Variants in SEC22B observed in about 807,000 individuals in gnomAD.
The protein encoded by SEC22B is SEC22 homolog B, vesicle trafficking protein.
SEC22B carries 10 observed loss-of-function variants against 31.4 expected under a neutral mutation model. The observed-to-expected ratio is 0.32, with a 90% CI of 0.20 to 0.54. The LOEUF is 0.54. Among genes scored for constraint, SEC22B ranks in the 20% least tolerant of loss-of-function variants. The pLI is 0.94. For missense variants in SEC22B, 130 were observed against 263.4 expected (o/e 0.49, Z 3.50); for synonymous variants, 60 against 95.9 (o/e 0.63, Z 2.19).
Position 120,151,013 on chromosome 1 carries a change from T to A in SEC22B, c.*6025A>T, listed in dbSNP as rs1427959922. 7.2e-5 allele frequency: 11 copies of A among 152,344 alleles called. No homozygotes were observed. Among genetic ancestry groups the A allele is most frequent in the Admixed American group, 7.2e-4 (11 of 15,296 alleles). 9.4% of individuals were successfully genotyped at this position (152,344 alleles called of 1,614,324 possible). ...CTCAGTGTCAAGAGAAAGATGTTAA[T>A]CCATCTTAGCAACCTAATTACCTCT... On this transcript the variant is annotated 3_prime_UTR_variant, in exon 5 of 5. Coordinates refer to ENST00000578049, the MANE Select transcript of SEC22B (RefSeq NM_004892.6).
chr1:120,165,280 T>C (rs1229147582), intron 2 of SEC22B, among the ~76,000 whole-genome samples: 15 of 152,220 alleles, frequency 9.9e-5, no homozygotes, highest in African/African-American at 3.6e-4. Flanking sequence ...TAATGTTTAC[T>C]GGGTACAAGA....
Position 120,176,449 on chromosome 1 carries a change from G to A in SEC22B, c.-68C>T. On this transcript the variant is annotated 5_prime_UTR_variant, in exon 1 of 5. Transcript: ENST00000578049. ...TGGCGCCGTCCTCACTTCCTCCGCC[G>A]CGACAACAGTTATACCCTATGTCTC... The A allele has an allele frequency of 7.2e-7, 1 of 1,390,696 alleles. No individual in the cohort carries two copies. The highest frequency in any genetic ancestry group is 1.0e-6 in the Non-Finnish European group (1 of 986,972). 86.1% of individuals were successfully genotyped at this position (1,390,696 alleles called of 1,614,324 possible).
At position 120,153,190 on chromosome 1, in the gene SEC22B, C is replaced by T. The variant is rs1254932796; in HGVS notation, c.*3848G>A. On this transcript the variant is annotated 3_prime_UTR_variant, in exon 5 of 5. Coordinates refer to ENST00000578049, the MANE Select transcript of SEC22B (RefSeq NM_004892.6). ...TTCAATATGCTCATTCTATCTCAAA[C>T]TCTGTCACACATACAATGACTGCTA... 1.3e-5 allele frequency: 2 copies of T among 151,100 alleles called. No homozygotes were observed. Among genetic ancestry groups the T allele is most frequent in the Non-Finnish European group, 2.9e-5 (2 of 67,954 alleles). The allele number at this position is 151,100 out of a possible 1,614,324, so 9.4% of individuals were successfully genotyped here.
At chr1:120,160,618 G>A (rs1300532398) in intron 3 of SEC22B, 88 bp from the exon 4 acceptor site, 25 of 1,183,394 alleles carry the variant, frequency 2.1e-5, no homozygotes, top group Middle Eastern at 2.1e-4. Context: ...GGCCAGGCGC[G>A]GTGGCTCACA....
chr1:120,159,951 C>T (rs1181202704), intron 4 of SEC22B, among the ~76,000 whole-genome samples: 1 of 131,136 alleles, frequency 7.6e-6, no homozygotes, highest in African/African-American at 3.7e-5. Context: ...TGGATCTTAT[C>T]TTGTAGTCCC....
At chr1:120,175,675 A>G (rs1439382837) in intron 1 of SEC22B, among the ~76,000 whole-genome samples, 2 of 152,214 alleles carry the variant, frequency 1.3e-5, no homozygotes, top group Non-Finnish European at 2.9e-5. Context: ...AGGTATGGAT[A>G]ACAAAGAGAT....
chr1:120,164,601 C>T (rs1657776379), intron 2 of SEC22B, among the ~76,000 whole-genome samples: 1 of 152,224 alleles, frequency 6.6e-6, no homozygotes, highest in African/African-American at 2.4e-5. Context: ...GACATGATTT[C>T]ATTTCTTTTT....
chr1:120,151,241 T>C lies in SEC22B; in HGVS notation c.*5797A>G, dbSNP rs1657529430. 1.3e-5 allele frequency: 2 copies of C among 152,096 alleles called. No individual in the cohort carries two copies. The highest frequency in any genetic ancestry group is 2.9e-5 in the Non-Finnish European group (2 of 68,016). 9.4% of individuals were successfully genotyped at this position (152,096 alleles called of 1,614,324 possible). ...TGTTTGACTGGTTAGAGACGCTAGA[T>C]TATTTTGTGTGGCTAAGACAAAACA... On this transcript the variant is annotated 3_prime_UTR_variant, in exon 5 of 5. Transcript: ENST00000578049.
Position 120,153,101 on chromosome 1 carries a change from G to A in SEC22B, c.*3937C>T, listed in dbSNP as rs1258556074. 1.3e-5 allele frequency: 2 copies of A among 151,778 alleles called. No individual in the cohort carries two copies. Among genetic ancestry groups the A allele is most frequent in the Admixed American group, 6.6e-5 (1 of 15,260 alleles). The allele number at this position is 151,778 out of a possible 1,614,324, so 9.4% of individuals were successfully genotyped here. ...TTTATGAGAACTGAGTGACTACATT[G>A]CTTCAGATAGTTTTATACTGCTAGG... is the stretch of plus-strand genomic sequence containing the variant. On this transcript the variant is annotated 3_prime_UTR_variant, in exon 5 of 5. Coordinates refer to ENST00000578049, the MANE Select transcript of SEC22B (RefSeq NM_004892.6).
chr1:120,170,970 T>A lies in SEC22B; in HGVS notation c.76-2021A>T, dbSNP rs1430763851. Among the ~76,000 whole-genome samples the A allele has an allele frequency of 1.2e-4, 14 of 114,102 alleles. 2 individuals are homozygous for A. Among genetic ancestry groups the A allele is most frequent in the Admixed American group, 6.0e-4 (8 of 13,372 alleles). 74.9% of individuals were successfully genotyped at this position (114,102 alleles called of 152,430 possible). ...TTTAATAAAATTAATTTATTAAATTTAATTTAATTTAAAATTCTTTAATAA... is the reference window on the plus strand; with the variant it reads ...TTTAATAAAATTAATTTATTAAATTAAATTTAATTTAAAATTCTTTAATAA... On this transcript the variant is annotated intron_variant, in intron 1 of 4. Coordinates refer to ENST00000578049, the MANE Select transcript of SEC22B (RefSeq NM_004892.6).
rs1447430314 is a variant in SEC22B, at chr1:120,156,838, G to A, written c.*200C>T. ...GCACCCAGAGAAAGCCTCTGCCCCC[G>A]AAAGAGACTTTCTACATAGGGTTAA... On this transcript the variant is annotated 3_prime_UTR_variant, in exon 5 of 5. Transcript: ENST00000578049. 7.1e-5 allele frequency: 27 copies of A among 382,718 alleles called. 1 individual carries two copies. The South Asian group carries it at 9.6e-4, about 14-fold the overall frequency. The allele number at this position is 382,718 out of a possible 1,614,324, so 23.7% of individuals were successfully genotyped here.
chr1:120,160,641 G>A (rs1657700165), intron 3 of SEC22B, 111 bp from the exon 4 acceptor site: 2 of 800,250 alleles, frequency 2.5e-6, no homozygotes, highest in Non-Finnish European at 3.7e-6. Flanking sequence ...TGTAATCCCA[G>A]CACTTTGGGA....
Position 120,163,360 on chromosome 1 carries a change from C to T in SEC22B, c.196G>A (p.Glu66Lys). The T allele has an allele frequency of 6.3e-7, 1 of 1,592,896 alleles. No individual in the cohort carries two copies. The highest frequency in any genetic ancestry group is 8.5e-7 in the Non-Finnish European group (1 of 1,170,736). Residue 66 changes from glutamate (E) to lysine (K), a missense_variant, in exon 3 of 5, where the codon GAG becomes AAG. Physicochemically the swap from Glu to Lys is moderately conservative, Grantham distance 56. This residue lies in a region of SEC22B where 41 missense variants were observed against 124.9 expected (regional missense o/e 0.33). Coordinates refer to ENST00000578049, the MANE Select transcript of SEC22B (RefSeq NM_004892.6). ...AAAACCAAATAACACACCCCCTGCT[C>T]AATAATGTAGCTGGTGAGACATAAA... ...AGAMTFHYII[E>K]QGVCYLVLCE...
chr1:120,175,707 C>T (rs1427850819), intron 1 of SEC22B, among the ~76,000 whole-genome samples: 10 of 151,946 alleles, frequency 6.6e-5, no homozygotes, highest in African/African-American at 2.2e-4. Flanking sequence ...GTCGTTTGCC[C>T]GCTAGGAAAC....
chr1:120,163,392 G>C (rs1249686403), intron 2 of SEC22B, 22 bp from the exon 3 acceptor site: 4 of 1,487,138 alleles, frequency 2.7e-6, no homozygotes, highest in Non-Finnish European at 3.6e-6. Context: ...TAAAAAGCAA[G>C]ACAAAGTTAT....
chr1:120,174,260 A>T (rs1164915615), intron 1 of SEC22B, among the ~76,000 whole-genome samples: 10 of 152,384 alleles, frequency 6.6e-5, no homozygotes, highest in African/African-American at 1.7e-4. Context: ...AGGATTAAAT[A>T]AAAAAATGAA....
intron 1 of SEC22B, among the ~76,000 whole-genome samples, chr1:120,175,976 A>T (rs1657954221): frequency 6.6e-6 from 1 of 152,220 alleles, no homozygotes. Flanking sequence ...CAGCAGTCCT[A>T]TTAGCAGCAG....
chr1:120,166,231 A>G (rs1451862251), intron 2 of SEC22B, among the ~76,000 whole-genome samples: 1 of 144,110 alleles, frequency 6.9e-6, no homozygotes, highest in Non-Finnish European at 1.5e-5. Flanking sequence ...ACTACCATAC[A>G]ATCTAGCAAT....
At chr1:120,174,308 C>T (rs1404312050) in intron 1 of SEC22B, among the ~76,000 whole-genome samples, 40 of 152,020 alleles carry the variant, frequency 2.6e-4, no homozygotes, top group Non-Finnish European at 4.9e-4. Context: ...ATGTAGTAGG[C>T]GCTTTTATAA....
Sources: allele counts gnomAD v4.1 joint callset (sites outside exome capture counted in the v4.1 genomes callset), GRCh38; gene constraint gnomAD v4.1.1; regional missense constraint gnomAD v4.1.1; transcripts MANE v1.5; gene names NCBI Gene and HGNC (gene_info 2026-07-23, HGNC 2026-07-21).